COPA: variants seen among roughly 807,000 people sequenced by gnomAD.
COPA encodes the protein coatomer subunit alpha.
In COPA, 10 loss-of-function variants were observed where a neutral mutation model predicts 158.7. The ratio of observed to expected loss-of-function variants is 0.06; its 90% CI spans 0.04 to 0.11. The LOEUF (loss-of-function observed/expected upper bound fraction) is 0.11. COPA is among the 10% of genes least tolerant of loss of function. COPA has a pLI of 1.00. For synonymous variants in COPA, 462 were observed against 542.8 expected, an observed-to-expected ratio of 0.85 and a Z score of 2.07; for missense variants, 1,065 against 1,536.7, an observed-to-expected ratio of 0.69 and a Z score of 5.13.
At chr1:160,294,099 A>T (rs1658326389) in intron 25 of COPA, among the ~76,000 whole-genome samples, 2 of 152,214 alleles carry the variant, frequency 1.3e-5, no homozygotes, top group African/African-American at 4.8e-5. Context: ...CTCTTGGAGC[A>T]TATCAGGATA....
intron 6 of COPA, among the ~76,000 whole-genome samples, chr1:160,329,381 T>C (rs1647400258): frequency 6.6e-6 from 1 of 152,152 alleles, no homozygotes; most frequent in Non-Finnish European, 1.5e-5. Flanking sequence ...CTTCACACAT[T>C]CAAGAGCAAG....
intron 3 of COPA, 93 bp from the exon 4 acceptor site, chr1:160,335,415 T>C (rs2101874903): frequency 1.1e-6 from 1 of 940,076 alleles, no homozygotes; most frequent in Non-Finnish European, 1.6e-6. Context: ...TAGAAATATG[T>C]ATATAAATAT....
chr1:160,312,673 TG>T (rs916620048), intron 10 of COPA, among the ~76,000 whole-genome samples: 84 of 152,338 alleles, frequency 5.5e-4, no homozygotes, highest in African/African-American at 1.9e-3. Context: ...AGACCTCACC[TG>T]TTACTCAGTC....
In COPA at chr1:160,297,458, C is replaced by A. The variant is rs1658453012; in HGVS notation, c.2168-20G>T. ...TCTCAGCTGCACCAAGTAAGAGACA[C>A]CAAGTTAGGTCTTTTCTCTTAAGTT... On this transcript the variant is annotated intron_variant, in intron 20 of 32. Transcript: ENST00000241704. The A allele has an allele frequency of 6.2e-7, 1 of 1,613,266 alleles. No individual in the cohort carries two copies. Among genetic ancestry groups the A allele is most frequent in the African/African-American group, 1.3e-5 (1 of 74,984 alleles).
intron 8 of COPA, among the ~76,000 whole-genome samples, chr1:160,318,472 AAAAAAAAAAAAAAAAAAAAC>A (rs1185861632): frequency 3.4e-4 from 28 of 81,734 alleles, no homozygotes; most frequent in African/African-American, 1.4e-3. Flanking sequence ...TATTTGTAAA[AAAAAAAAAAAAAAAAAAAAC>A]AAAAAAAAAA....
At chr1:160,301,684 G>A (rs1658609172) in intron 17 of COPA, among the ~76,000 whole-genome samples, 4 of 152,026 alleles carry the variant, frequency 2.6e-5, no homozygotes, top group Admixed American at 2.6e-4. Context: ...GAGCTGGGAG[G>A]ATAACTTGAG....
chr1:160,290,724 T>C (rs1658201083), intron 31 of COPA, 38 bp from the exon 32 acceptor site: 3 of 1,589,120 alleles, frequency 1.9e-6, no homozygotes, highest in Non-Finnish European at 2.6e-6. Context: ...GACAGAAGGC[T>C]GCAGACAACA....
chr1:160,297,271 C>A, intron 21 of COPA, 72 bp downstream of exon 21: 1 of 1,326,286 alleles, frequency 7.5e-7, no homozygotes, highest in South Asian at 1.2e-5. Context: ...CCACTATACA[C>A]AGATTAACTC....
chr1:160,304,215 T>C (rs1022343236), intron 17 of COPA, among the ~76,000 whole-genome samples: 1 of 151,350 alleles, frequency 6.6e-6, no homozygotes, highest in Non-Finnish European at 1.5e-5. Context: ...GGTTTCTCCA[T>C]GTTGCTCAGG....
At chr1:160,327,461 CG>C (rs1254172116) in intron 6 of COPA, among the ~76,000 whole-genome samples, 2 of 21,046 alleles carry the variant, frequency 9.5e-5, no homozygotes, top group South Asian at 3.2e-3. Context: ...TGCTTGAACC[CG>C]GGGGGCGGGG....
intron 28 of COPA, 134 bp downstream of exon 28, chr1:160,292,350 G>C: frequency 6.4e-7 from 1 of 1,570,386 alleles, no homozygotes; most frequent in Non-Finnish European, 8.6e-7. Flanking sequence ...CAACCCCATA[G>C]AGTAACAAAC....
In COPA at chr1:160,305,556, T is replaced by C; in HGVS notation, c.1544A>G (p.Asn515Ser). 2 of 1,614,238 alleles carry C rather than the reference T, an allele frequency of 1.2e-6. No homozygotes were observed. Among genetic ancestry groups the C allele is most frequent in the Non-Finnish European group, 1.7e-6 (2 of 1,180,038 alleles). The change falls in exon 17 of 33, where the codon AAC becomes AGC. Residue 515 changes from asparagine to serine, a missense_variant. By Grantham distance (46) the Asn-to-Ser change is conservative. Around this residue, in one of 2 missense-constraint regions of COPA, gnomAD observed 980 missense variants for 1,357.8 expected, o/e 0.72. Transcript: ENST00000241704. ...LLAKHAIVIC[N>S]RKLDALCNIH... ...GTTACATAAAGCATCCAGTTTGCGGTTACAGATCACAATGGCTGTAAGAGG... is the reference window on the plus strand; with the variant it reads ...GTTACATAAAGCATCCAGTTTGCGGCTACAGATCACAATGGCTGTAAGAGG...
chr1:160,301,935 A>C (rs1658619651), intron 17 of COPA, among the ~76,000 whole-genome samples: 1 of 152,110 alleles, frequency 6.6e-6, no homozygotes, highest in Non-Finnish European at 1.5e-5. Flanking sequence ...AATCTACTGT[A>C]AGCTCACATA....
At chr1:160,290,774 G>C in intron 31 of COPA, 88 bp from the exon 32 acceptor site, 1 of 1,239,468 alleles carries the variant, frequency 8.1e-7, no homozygotes, top group Non-Finnish European at 1.2e-6. Flanking sequence ...TAGTTCCGTT[G>C]ATGTGAGACA....
chr1:160,299,035 A>T, intron 18 of COPA, 44 bp from the exon 19 acceptor site: 1 of 1,608,538 alleles, frequency 6.2e-7, no homozygotes, highest in South Asian at 1.1e-5. Context: ...GACATCACTT[A>T]CAGGAAAAGA....
chr1:160,292,414 C>A, intron 28 of COPA, 70 bp downstream of exon 28: 1 of 1,605,652 alleles, frequency 6.2e-7, no homozygotes, highest in South Asian at 1.1e-5. Context: ...CTGACTATGT[C>A]ACTGAGGCTA....
At chr1:160,330,484 T>C (rs1647460749) in intron 6 of COPA, among the ~76,000 whole-genome samples, 1 of 152,270 alleles carries the variant, frequency 6.6e-6, no homozygotes, top group Non-Finnish European at 1.5e-5. Context: ...CTCCCTTTCA[T>C]TCTATGCCTT....
intron 6 of COPA, among the ~76,000 whole-genome samples, chr1:160,331,177 G>A (rs756391497): frequency 1.3e-5 from 2 of 152,138 alleles, no homozygotes; most frequent in African/African-American, 4.8e-5. Flanking sequence ...AGGTCTCACA[G>A]GTACAGTCCA....
Position 160,293,549 on chromosome 1 carries a change from C to G in COPA, c.2677-86G>C. ...ACACTCTGTCACCTAGACTGGAGTA[C>G]AGAGGCATGATCTCGGCACACTGCA... On this transcript the variant is annotated intron_variant, in intron 25 of 32. Coordinates refer to ENST00000241704, the MANE Select transcript of COPA (RefSeq NM_004371.4). 3.8e-6 allele frequency: 4 copies of G among 1,058,104 alleles called. 1 individual carries two copies. The highest frequency in any genetic ancestry group is 5.4e-6 in the Non-Finnish European group (4 of 739,506). 65.5% of individuals were successfully genotyped at this position (1,058,104 alleles called of 1,614,324 possible). A position where few individuals can be genotyped will look rare whatever the true frequency, so the allele number is the denominator to read the frequency against.
Sources: gnomAD v4.1 joint callset for allele counts (sites outside exome capture counted in the v4.1 genomes callset) on GRCh38, gnomAD v4.1.1 for gene constraint, gnomAD v4.1.1 regional missense constraint, MANE v1.5 for transcripts, NCBI Gene and HGNC (gene_info 2026-07-23, HGNC 2026-07-21) for gene names.